IFT27: variants seen among roughly 807,000 people sequenced by gnomAD.
IFT27 encodes intraflagellar transport 27.
Under a neutral mutation model 23.9 loss-of-function variants are expected in IFT27, and 19 were observed. The observed-to-expected ratio is 0.79, with a 90% confidence interval of 0.55 to 1.16. The LOEUF (loss-of-function observed/expected upper bound fraction) is 1.16. Ranked by LOEUF, IFT27 falls within the 50% of genes most tolerant of loss-of-function variation. IFT27 has a pLI of 0.00. For synonymous variants in IFT27, 91 were observed against 89.1 expected, an observed-to-expected ratio of 1.02 and a Z score of -0.12; for missense variants, 206 against 228.7, an observed-to-expected ratio of 0.90 and a Z score of 0.64.
intron 1 of IFT27, 23 bp downstream of exon 1, chr22:36,775,651 C>G: frequency 6.2e-7 from 1 of 1,613,952 alleles, no homozygotes; most frequent in Non-Finnish European, 8.5e-7. Flanking sequence ...CCACCGTATT[C>G]AAGCGCAAGT....
At chr22:36,763,075 C>A in intron 5 of IFT27, 62 bp from the exon 6 acceptor site, 3 of 1,238,940 alleles carry the variant, frequency 2.4e-6, no homozygotes, top group Non-Finnish European at 3.4e-6. Context: ...GGACAGCGGG[C>A]GAGATGAGAG....
chr22:36,774,192 G>A (rs1489097960), intron 1 of IFT27, among the ~76,000 whole-genome samples: 1 of 152,182 alleles, frequency 6.6e-6, no homozygotes, highest in Non-Finnish European at 1.5e-5. Context: ...TTTTGCTCCA[G>A]TATGATTCAG....
At chr22:36,769,586 C>T (rs1289841069) in intron 1 of IFT27, among the ~76,000 whole-genome samples, 1 of 152,152 alleles carries the variant, frequency 6.6e-6, no homozygotes, top group Non-Finnish European at 1.5e-5. Flanking sequence ...AACTCTTGAC[C>T]TCAGGTGATC....
chr22:36,765,646 C>T (rs1938226046), intron 4 of IFT27, among the ~76,000 whole-genome samples: 1 of 152,082 alleles, frequency 6.6e-6, no homozygotes, highest in Non-Finnish European at 1.5e-5. Context: ...GTGGATCCTG[C>T]GAGGCTGGTG....
intron 4 of IFT27, among the ~76,000 whole-genome samples, 187 bp downstream of exon 4, chr22:36,765,951 A>G (rs1487438370): frequency 6.6e-6 from 1 of 152,184 alleles, no homozygotes; most frequent in African/African-American, 2.4e-5. Flanking sequence ...GGGCAGTCAC[A>G]CGCATCAGCC....
rs1191798708 is a variant in IFT27, at chr22:36,763,933, C to T, written c.338G>A (p.Gly113Asp). The change falls in exon 5 of 7, where the codon GGC (glycine) becomes GAC (aspartate). Residue 113 changes from glycine to aspartate, a missense_variant. By Grantham distance (94) the Gly-to-Asp change is moderately conservative. Coordinates refer to ENST00000433985, the MANE Select transcript of IFT27 (RefSeq NM_001177701.3). ...GCAGCCCGTACCTGGGAGAGAGATGCCTGGAGCCTGTGACCGAGCCTTCTC... is the reference window on the plus strand; with the variant it reads ...GCAGCCCGTACCTGGGAGAGAGATGTCTGGAGCCTGTGACCGAGCCTTCTC... ...WLEKARSQAP[G>D]ISLPGVLVGN... 2 of 1,612,200 alleles carry T rather than the reference C, an allele frequency of 1.2e-6. No individual in the cohort carries two copies. Among genetic ancestry groups the T allele is most frequent in the South Asian group, 1.1e-5 (1 of 91,044 alleles).
rs587777546 is a variant in IFT27, at chr22:36,763,972, C to T, written c.299G>A (p.Cys100Tyr). The change falls in exon 5 of 7, where the codon TGC (cysteine) becomes TAC (tyrosine). Residue 100 changes from cysteine (C) to tyrosine (Y), a missense_variant. Coordinates refer to ENST00000433985, the MANE Select transcript of IFT27 (RefSeq NM_001177701.3). ...DVTNEESFNN[C>Y]SKWLEKARSQ... is the part of the protein sequence containing the mutation. ...CCGAGCCTTCTCCAGCCACTTGCTG[C>T]AGTTGTTGAAGGATTCTTCATTGGT... 3 of 1,614,078 alleles carry T rather than the reference C, an allele frequency of 1.9e-6. No homozygotes were observed. Among genetic ancestry groups the T allele is most frequent in the African/African-American group, 1.3e-5 (1 of 74,926 alleles).
intron 5 of IFT27, 98 bp from the exon 6 acceptor site, chr22:36,763,111 T>C: frequency 1.3e-6 from 1 of 781,076 alleles, no homozygotes; most frequent in Non-Finnish European, 2.0e-6. Context: ...GTGTAAAGCA[T>C]CCTCTGAGAG....
chr22:36,768,075 CGGCTAAGCCTTTT>C (rs1938300408), intron 1 of IFT27: 1 of 676,000 alleles, frequency 1.5e-6, no homozygotes, highest in Non-Finnish European at 2.8e-6. Context: ...CACTTCTGCA[CGGCTAAGCCTTTT>C]ATCCACAGGA....
At chr22:36,772,189 C>T (rs1372555351) in intron 1 of IFT27, among the ~76,000 whole-genome samples, 4 of 152,160 alleles carry the variant, frequency 2.6e-5, no homozygotes, top group Non-Finnish European at 5.9e-5. Context: ...TGGTAGCGCA[C>T]GATGTGATGT....
rs1355308705 is a variant in IFT27, at chr22:36,769,383, G to C, written c.35-1521C>G. 3.9e-5 allele frequency among the ~76,000 whole-genome samples: 6 copies of C among 152,294 alleles called. No homozygotes were observed. The East Asian group carries it at 1.2e-3, about 29-fold the overall frequency. ...CTGACACTTTTCTTGTTTTGAGATG[G>C]AGTCTCTGTCACGCAGGCTGAAGTA... is the stretch of plus-strand genomic sequence containing the variant. On this transcript the variant is annotated intron_variant, in intron 1 of 6. Transcript: ENST00000433985.
At chr22:36,769,320 C>A (rs982388943) in intron 1 of IFT27, among the ~76,000 whole-genome samples, 1 of 152,134 alleles carries the variant, frequency 6.6e-6, no homozygotes, top group African/African-American at 2.4e-5. Flanking sequence ...CACGCTCTTC[C>A]CAGGCCCTGC....
intron 2 of IFT27, 74 bp from the exon 3 acceptor site, chr22:36,767,439 C>T (rs963678255): frequency 1.5e-6 from 2 of 1,330,286 alleles, no homozygotes; most frequent in African/African-American, 1.4e-5. Flanking sequence ...GACACACAAG[C>T]ACCCCGATCC....
intron 6 of IFT27, chr22:36,761,055 C>G (rs1467511336): frequency 6.3e-6 from 1 of 157,716 alleles, no homozygotes; most frequent in Non-Finnish European, 1.5e-5. Context: ...TTCTGTGAGC[C>G]TCAACTCAGG....
At chr22:36,774,716 G>A (rs1359990272) in intron 1 of IFT27, among the ~76,000 whole-genome samples, 1 of 152,174 alleles carries the variant, frequency 6.6e-6, no homozygotes, top group Non-Finnish European at 1.5e-5. Context: ...GGAGGCTGAG[G>A]CAGGGGAATT....
At chr22:36,758,540 G>A in intron 6 of IFT27, 131 bp from the exon 7 acceptor site, 9 of 683,272 alleles carry the variant, frequency 1.3e-5, no homozygotes, top group East Asian at 2.7e-5. Flanking sequence ...CTTCGAGGTA[G>A]CCACTTTCAT....
intron 1 of IFT27, 109 bp downstream of exon 1, chr22:36,775,565 A>T: frequency 8.7e-7 from 1 of 1,152,710 alleles, no homozygotes; most frequent in Non-Finnish European, 1.3e-6. Context: ...CGCCTTTGGG[A>T]GAGAGAAAGG....
At chr22:36,766,719 C>T (rs990702715) in intron 3 of IFT27, among the ~76,000 whole-genome samples, 1 of 152,064 alleles carries the variant, frequency 6.6e-6, no homozygotes, top group African/African-American at 2.4e-5. Flanking sequence ...CCTGCCCTGT[C>T]CAAACCTTCC....
chr22:36,760,826 T>TC (rs1043908995), intron 6 of IFT27: 17 of 167,106 alleles, frequency 1.0e-4, no homozygotes, highest in African/African-American at 4.1e-4. Context: ...AAACGTTACT[T>TC]CCCCACTCCT....
Sources: gnomAD v4.1 joint callset for allele counts (sites outside exome capture counted in the v4.1 genomes callset) on GRCh38, gnomAD v4.1.1 for gene constraint, MANE v1.5 for transcripts, NCBI Gene and HGNC (gene_info 2026-07-23, HGNC 2026-07-21) for gene names.